The following CACNA2D3 variants were observed in gnomAD, a reference collection of about 807,000 sequenced individuals.
The protein encoded by CACNA2D3 is calcium voltage-gated channel auxiliary subunit alpha2delta 3, also known as voltage-dependent calcium channel subunit alpha-2/delta-3.
Under a neutral mutation model 160.6 loss-of-function variants are expected in CACNA2D3, and 60 were observed. The observed-to-expected ratio is 0.37, with a 90% confidence interval of 0.30 to 0.46. CACNA2D3 has a LOEUF of 0.46. Ranked by LOEUF, CACNA2D3 falls within the 20% of genes least tolerant of loss-of-function variation. The pLI, the probability that CACNA2D3 is intolerant of heterozygous loss-of-function variation, is 1.00. For missense variants in CACNA2D3, 1,205 were observed against 1,365.0 expected (o/e 0.88, Z 1.85); for synonymous variants, 558 against 492.9 (o/e 1.13, Z -1.75).
Position 54,386,700 on chromosome 3 carries a change from T to TTTC in CACNA2D3, c.322-13_322-12insCTT, listed in dbSNP as rs749849608. 2.6e-6 allele frequency: 4 copies of TTTC among 1,516,034 alleles called. No individual in the cohort carries two copies. Among genetic ancestry groups the TTTC allele is most frequent in the Admixed American group, 4.2e-5 (2 of 47,294 alleles). 93.9% of individuals were successfully genotyped at this position (1,516,034 alleles called of 1,614,324 possible). ...ATCCTTAATGCTGTCTTCTGTTTTT[T>TTTC]TTTTTTTTTTTTAGCGTCTGGTGGA... On this transcript the variant is annotated splice_polypyrimidine_tract_variant and intron_variant, in intron 3 of 37. Coordinates refer to ENST00000474759, the MANE Select transcript of CACNA2D3 (RefSeq NM_018398.3).
intron 4 of CACNA2D3, among the ~76,000 whole-genome samples, chr3:54,489,332 C>T (rs1701070083): frequency 6.6e-6 from 1 of 152,164 alleles, no homozygotes; most frequent in Admixed American, 6.5e-5. Context: ...GTGTCTTCAC[C>T]CTGGCTTTCA....
chr3:54,942,852 A>G (rs1355448913), intron 27 of CACNA2D3, among the ~76,000 whole-genome samples: 3 of 152,012 alleles, frequency 2.0e-5, no homozygotes, highest in Non-Finnish European at 4.4e-5. Context: ...GTGAAACCCC[A>G]TCTCTACTAA....
chr3:54,749,186 A>G (rs1204916406), intron 11 of CACNA2D3, among the ~76,000 whole-genome samples: 2 of 152,192 alleles, frequency 1.3e-5, no homozygotes, highest in African/African-American at 4.8e-5. Context: ...GTATGAGGCC[A>G]CTTTTAGAAA....
chr3:54,442,527 A>G (rs1700160667), intron 4 of CACNA2D3, among the ~76,000 whole-genome samples: 1 of 152,180 alleles, frequency 6.6e-6, no homozygotes, highest in African/African-American at 2.4e-5. Context: ...TCCACTTGTG[A>G]ACATCATTAT....
intron 2 of CACNA2D3, among the ~76,000 whole-genome samples, chr3:54,228,647 A>G (rs1312975379): frequency 6.6e-6 from 1 of 152,168 alleles, no homozygotes; most frequent in African/African-American, 2.4e-5. Flanking sequence ...GACCCATTTT[A>G]TCTGCAACTT....
At chr3:54,583,776 A>T (rs1000211661) in intron 9 of CACNA2D3, among the ~76,000 whole-genome samples, 38 of 152,114 alleles carry the variant, frequency 2.5e-4, no homozygotes, top group African/African-American at 8.7e-4. Context: ...GAAAAGGAGA[A>T]AATGAAATGT....
At chr3:54,168,555 G>T (rs1202601050) in intron 2 of CACNA2D3, among the ~76,000 whole-genome samples, 1 of 152,112 alleles carries the variant, frequency 6.6e-6, no homozygotes, top group Non-Finnish European at 1.5e-5. Context: ...TAGGAGGCCT[G>T]GATTAATTCT....
chr3:54,790,355 C>T (rs1217223980), intron 13 of CACNA2D3, among the ~76,000 whole-genome samples: 1 of 152,158 alleles, frequency 6.6e-6, no homozygotes, highest in Non-Finnish European at 1.5e-5. Flanking sequence ...GCTGCTATTG[C>T]AAAGCAACAG....
At chr3:54,828,131 T>G (rs1330630289) in intron 14 of CACNA2D3, among the ~76,000 whole-genome samples, 1 of 152,206 alleles carries the variant, frequency 6.6e-6, no homozygotes, top group Non-Finnish European at 1.5e-5. Flanking sequence ...AGGGGGTCTT[T>G]AAACAAGGAG....
intron 9 of CACNA2D3, among the ~76,000 whole-genome samples, chr3:54,616,825 A>G (rs1306400071): frequency 6.6e-6 from 1 of 152,150 alleles, no homozygotes; most frequent in East Asian, 1.9e-4. Context: ...TCTTAAAAGG[A>G]GGGTAATAAG....
chr3:54,183,837 A>G (rs1222897564), intron 2 of CACNA2D3, among the ~76,000 whole-genome samples: 8 of 136,286 alleles, frequency 5.9e-5, no homozygotes, highest in African/African-American at 2.1e-4. Flanking sequence ...GTGAGCTGAG[A>G]TTGCGCCACT....
At chr3:54,996,614 CA>C (rs1363903100) in intron 31 of CACNA2D3, among the ~76,000 whole-genome samples, 1 of 152,154 alleles carries the variant, frequency 6.6e-6, no homozygotes, top group Non-Finnish European at 1.5e-5. Context: ...ACTTGTTTAT[CA>C]AATCAGTGCT....
intron 2 of CACNA2D3, among the ~76,000 whole-genome samples, chr3:54,239,565 G>A (rs1701940502): frequency 6.6e-6 from 1 of 152,226 alleles, no homozygotes; most frequent in Non-Finnish European, 1.5e-5. Flanking sequence ...AGCCAAAAGT[G>A]TTGGATCAGA....
intron 2 of CACNA2D3, among the ~76,000 whole-genome samples, chr3:54,316,689 A>G (rs1703869503): frequency 1.3e-5 from 2 of 152,218 alleles, no homozygotes; most frequent in Non-Finnish European, 1.5e-5. Flanking sequence ...AGGCACCAGT[A>G]GTCCTGGGAG....
In CACNA2D3 at chr3:54,782,175, A is replaced by G. The variant is rs200147707; in HGVS notation, c.1380+17824A>G. On this transcript the variant is annotated intron_variant, in intron 13 of 37. Coordinates refer to ENST00000474759, the MANE Select transcript of CACNA2D3 (RefSeq NM_018398.3). ...TTTGTTTAAATACTAGCTGGAAGGT[A>G]TATTCCTAATGAGGTCAATTGACCA... Among the ~76,000 whole-genome samples, 7 of 152,346 alleles carry G rather than the reference A, an allele frequency of 4.6e-5. No homozygotes were observed. The East Asian group carries it at 1.4e-3, about 29-fold the overall frequency.
chr3:54,889,956 G>T (rs1700019001), intron 24 of CACNA2D3, among the ~76,000 whole-genome samples: 1 of 152,146 alleles, frequency 6.6e-6, no homozygotes, highest in South Asian at 2.1e-4. Flanking sequence ...TAACTGATTG[G>T]ACAGCCTGGC....
chr3:54,630,732 A>G (rs750098324), intron 10 of CACNA2D3, among the ~76,000 whole-genome samples: 1 of 152,188 alleles, frequency 6.6e-6, no homozygotes, highest in Non-Finnish European at 1.5e-5. Context: ...GACCCAGAGA[A>G]ATCACCAACA....
rs148025910 is a variant in CACNA2D3, at chr3:54,460,522, A to C, written c.382-42970A>C. 2.4e-4 allele frequency among the ~76,000 whole-genome samples: 36 copies of C among 152,246 alleles called. 1 individual carries two copies. The East Asian group carries it at 6.7e-3, about 29-fold the overall frequency. ...TCTAAGTTGGAATCCTAGGTATTTT[A>C]TTCTCTTTGAAGCAATTGTGAATGG... On this transcript the variant is annotated intron_variant, in intron 4 of 37. Coordinates refer to ENST00000474759, the MANE Select transcript of CACNA2D3 (RefSeq NM_018398.3).
At chr3:54,439,202 G>A (rs1287374861) in intron 4 of CACNA2D3, among the ~76,000 whole-genome samples, 1 of 152,128 alleles carries the variant, frequency 6.6e-6, no homozygotes, top group Non-Finnish European at 1.5e-5. Context: ...CTAGAGCCAC[G>A]TTTGTCCAGC....
Sources: allele counts gnomAD v4.1 joint callset (sites outside exome capture counted in the v4.1 genomes callset), GRCh38; gene constraint gnomAD v4.1.1; transcripts MANE v1.5; gene names NCBI Gene and HGNC (gene_info 2026-07-23, HGNC 2026-07-21).